Variants in CMTM4 observed in about 807,000 individuals in gnomAD.
CMTM4 encodes the protein CKLF like MARVEL transmembrane domain containing 4, also known as CKLF-like MARVEL transmembrane domain-containing protein 4.
Under a neutral mutation model 19.0 loss-of-function variants are expected in CMTM4, and 8 were observed. The ratio of observed to expected loss-of-function variants is 0.42; its 90% CI spans 0.25 to 0.76. The LOEUF is 0.76. Ranked by LOEUF, CMTM4 falls within the 30% of genes least tolerant of loss-of-function variation. The pLI is 0.27. For synonymous variants in CMTM4, 106 were observed against 121.1 expected (o/e 0.88, Z 0.82); for missense variants, 228 against 290.2 (o/e 0.79, Z 1.56).
At chr16:66,666,025 T>C (rs957792125) in intron 1 of CMTM4, among the ~76,000 whole-genome samples, 1 of 150,052 alleles carries the variant, frequency 6.7e-6, no homozygotes, top group Non-Finnish European at 1.5e-5. Context: ...TGAGCGGAGA[T>C]TGCACCACTG....
chr16:66,689,795 T>C (rs957350214), intron 1 of CMTM4, among the ~76,000 whole-genome samples: 1 of 152,180 alleles, frequency 6.6e-6, no homozygotes, highest in Admixed American at 6.5e-5. Context: ...ATAAATCAAA[T>C]TGGTTTGGTG....
chr16:66,636,438 GT>G lies in CMTM4; in HGVS notation c.329del (p.His110ProfsTer2). The G allele has an allele frequency of 6.2e-7, 1 of 1,614,134 alleles. No individual in the cohort carries two copies. The highest frequency in any genetic ancestry group is 1.1e-5 in the South Asian group (1 of 91,084). ...TCCAGTTGATCTGGGGGATCCTCAT[GT>G]GCAGGTTGAGACTGAACATAATCAG... ...VLLIMFSLNL[H>X]MRIPQINWNL... On this transcript the variant is annotated frameshift_variant, in exon 2 of 4. Transcript: ENST00000394106. LOFTEE classifies it high-confidence loss of function.
intron 2 of CMTM4, among the ~76,000 whole-genome samples, chr16:66,632,969 C>G (rs1315316292): frequency 6.6e-6 from 1 of 151,460 alleles, no homozygotes; most frequent in Non-Finnish European, 1.5e-5. Flanking sequence ...CCTGTAATCC[C>G]AGCTACTCGG....
intron 1 of CMTM4, among the ~76,000 whole-genome samples, chr16:66,648,630 C>T (rs2016251232): frequency 6.6e-6 from 1 of 151,882 alleles, no homozygotes; most frequent in Non-Finnish European, 1.5e-5. Context: ...TGCACTCCGG[C>T]CTGGGCAACA....
chr16:66,640,909 G>C (rs1263046579), intron 1 of CMTM4, among the ~76,000 whole-genome samples: 1 of 152,118 alleles, frequency 6.6e-6, no homozygotes, highest in African/African-American at 2.4e-5. Flanking sequence ...CTTAGACATA[G>C]GTCCTCCAGC....
intron 1 of CMTM4, among the ~76,000 whole-genome samples, chr16:66,672,460 T>C (rs2016726744): frequency 6.6e-6 from 1 of 150,412 alleles, no homozygotes; most frequent in South Asian, 2.1e-4. Flanking sequence ...CGTAATTACT[T>C]TTGCAACAAC....
intron 1 of CMTM4, among the ~76,000 whole-genome samples, chr16:66,647,073 T>C (rs1176731545): frequency 7.7e-6 from 1 of 130,248 alleles, no homozygotes; most frequent in African/African-American, 3.0e-5. Flanking sequence ...CCCAACACTT[T>C]GGGAGGCCGA....
intron 1 of CMTM4, among the ~76,000 whole-genome samples, chr16:66,663,693 C>T (rs1323360559): frequency 6.6e-6 from 1 of 151,518 alleles, no homozygotes; most frequent in Non-Finnish European, 1.5e-5. Context: ...CAGGCAAGCG[C>T]CGCCACACCG....
chr16:66,674,970 T>C (rs2016782127), intron 1 of CMTM4, among the ~76,000 whole-genome samples: 1 of 152,028 alleles, frequency 6.6e-6, no homozygotes, highest in African/African-American at 2.4e-5. Context: ...CTCAAACTCC[T>C]GACCTCAGGT....
At chr16:66,637,079 G>A (rs546543945) in intron 1 of CMTM4, among the ~76,000 whole-genome samples, 2 of 152,154 alleles carry the variant, frequency 1.3e-5, no homozygotes, top group Non-Finnish European at 2.9e-5. Context: ...GGTTAACTGG[G>A]ACTCCTGACG....
rs377283505 is a variant in CMTM4 at position 66,645,012 on chromosome 16, G to A, written c.187-8431C>T. Among the ~76,000 whole-genome samples the A allele has an allele frequency of 1.3e-3, 203 of 152,238 alleles. No individual in the cohort carries two copies. In the South Asian group the frequency reaches 0.015, roughly 11 times the overall value. On this transcript the variant is annotated intron_variant, in intron 1 of 3. Transcript: ENST00000394106. The stretch of plus-strand genomic sequence containing the variant: ...ATCCTTGTCAAAATTGGCCGGGCAC[G>A]GTGGCTCATGCCTGTAATCCCAGCA...
chr16:66,688,927 G>T (rs1043444597), intron 1 of CMTM4, among the ~76,000 whole-genome samples: 2 of 151,904 alleles, frequency 1.3e-5, no homozygotes, highest in Non-Finnish European at 2.9e-5. Flanking sequence ...TGGTTTTTTT[G>T]TTTTAATTTC....
At chr16:66,635,406 G>A (rs377048314) in intron 2 of CMTM4, among the ~76,000 whole-genome samples, 1 of 152,156 alleles carries the variant, frequency 6.6e-6, no homozygotes, top group Non-Finnish European at 1.5e-5. Flanking sequence ...ACAACCCAGA[G>A]AGCACCTGTA....
intron 2 of CMTM4, among the ~76,000 whole-genome samples, chr16:66,626,009 G>A (rs2015731030): frequency 6.6e-6 from 1 of 152,182 alleles, no homozygotes; most frequent in Admixed American, 6.5e-5. Flanking sequence ...TGAGATCAAT[G>A]ACTAGGTCAC....
chr16:66,632,936 T>G (rs1241561468), intron 2 of CMTM4, among the ~76,000 whole-genome samples: 1 of 151,060 alleles, frequency 6.6e-6, no homozygotes, highest in African/African-American at 2.4e-5. Context: ...TACAAAAAAA[T>G]TAGCCGGGTG....
chr16:66,679,356 C>T (rs1314067454), intron 1 of CMTM4, among the ~76,000 whole-genome samples: 1 of 152,064 alleles, frequency 6.6e-6, no homozygotes, highest in Admixed American at 6.6e-5. Context: ...TTTAGCAATT[C>T]TTAAATTTTA....
chr16:66,674,167 T>C lies in CMTM4; in HGVS notation c.186+22173A>G, dbSNP rs533589443. Among the ~76,000 whole-genome samples, 5 of 152,314 alleles carry C rather than the reference T, an allele frequency of 3.3e-5. No individual in the cohort carries two copies. In the South Asian group the frequency reaches 6.2e-4, roughly 19 times the overall value. ...CAGTCTGGTCTGCGAAGGGAGGACA[T>C]AGGCCTTTGGGACCCAGGGGCCACA... is the stretch of plus-strand genomic sequence containing the variant. On this transcript the variant is annotated intron_variant, in intron 1 of 3. Transcript: ENST00000394106.
chr16:66,676,034 A>T (rs2016804014), intron 1 of CMTM4, among the ~76,000 whole-genome samples: 1 of 152,008 alleles, frequency 6.6e-6, no homozygotes, highest in Admixed American at 6.6e-5. Flanking sequence ...TAAAAAAAAA[A>T]TAAATAAATC....
chr16:66,662,767 G>A (rs758744710), intron 1 of CMTM4, among the ~76,000 whole-genome samples: 3 of 152,114 alleles, frequency 2.0e-5, no homozygotes, highest in Non-Finnish European at 4.4e-5. Context: ...ACACAGACCC[G>A]AAAGAGGAGT....
Sources: allele counts gnomAD v4.1 joint callset (sites outside exome capture counted in the v4.1 genomes callset), GRCh38; gene constraint gnomAD v4.1.1; transcripts MANE v1.5; gene names NCBI Gene and HGNC (gene_info 2026-07-23, HGNC 2026-07-21).